Variants in RAP1GAP observed in about 807,000 individuals in gnomAD.
RAP1GAP encodes rap1 GTPase-activating protein 1.
RAP1GAP carries 35 observed loss-of-function variants against 87.2 expected under a neutral mutation model. That is an observed-to-expected ratio of 0.40 (90% confidence interval 0.31 to 0.53). The LOEUF (loss-of-function observed/expected upper bound fraction) is 0.53. Ranked by LOEUF, RAP1GAP falls within the 20% of genes least tolerant of loss-of-function variation. The pLI is 0.48. For synonymous variants in RAP1GAP, 375 were observed against 363.9 expected (o/e 1.03, Z -0.35); for missense variants, 734 against 898.9 (o/e 0.82, Z 2.35).
chr1:21,606,388 C>T (rs761104727), intron 17 of RAP1GAP, among the ~76,000 whole-genome samples, 191 bp from the exon 18 acceptor site: 2 of 152,200 alleles, frequency 1.3e-5, no homozygotes, highest in Non-Finnish European at 2.9e-5. Flanking sequence ...TTTCCCTGTG[C>T]GTCACATGAG....
chr1:21,598,329 G>A, intron 22 of RAP1GAP, 71 bp downstream of exon 22: 1 of 1,381,610 alleles, frequency 7.2e-7, no homozygotes, highest in Non-Finnish European at 1.0e-6. Context: ...CATGGGAACT[G>A]GTGCCCAGCC....
At chr1:21,597,657 C>A in intron 24 of RAP1GAP, 29 bp downstream of exon 24, 1 of 1,559,054 alleles carries the variant, frequency 6.4e-7, no homozygotes, top group Non-Finnish European at 8.8e-7. Context: ...CCTCTCCCAC[C>A]AAACACAAGC....
chr1:21,612,059 G>C lies in RAP1GAP; in HGVS notation c.579C>G (p.Phe193Leu). The change falls in exon 11 of 25, where the codon TTC (phenylalanine) becomes TTG (leucine). Residue 193 changes from phenylalanine (F) to leucine (L), a missense_variant. By Grantham distance (22) the Phe-to-Leu change is conservative. Around this residue, in one of 2 missense-constraint regions of RAP1GAP, gnomAD observed 485 missense variants for 646.2 expected, o/e 0.75. Transcript: ENST00000374765. The stretch of plus-strand genomic sequence containing the variant: ...GCTTCTGATAAATGACGCCAAACTT[G>C]AAGTTATTGCTGATGACATGCTCGT... ...TFDEHVISNN[F>L]KFGVIYQKLG... 1 of 1,554,898 alleles carries C rather than the reference G, an allele frequency of 6.4e-7. No homozygotes were observed. The highest frequency in any genetic ancestry group is 8.7e-7 in the Non-Finnish European group (1 of 1,148,546).
At position 21,612,015 on chromosome 1, in the gene RAP1GAP, G is replaced by C. The variant is rs749507344; in HGVS notation, c.612+11C>G. On this transcript the variant is annotated intron_variant, in intron 11 of 24. Coordinates refer to ENST00000374765, the MANE Select transcript of RAP1GAP (RefSeq NM_002885.4). ...AGGTGGGGAGGGGCGGCAGGGAGGA[G>C]GTGAGCACACCTGCCCAAGCTTCTG... 1.9e-6 allele frequency: 3 copies of C among 1,541,664 alleles called. No individual in the cohort carries two copies. The East Asian group carries it at 7.2e-5, about 37-fold the overall frequency.
chr1:21,605,952 G>A (rs1570535430), intron 18 of RAP1GAP, 114 bp downstream of exon 18: 6 of 1,289,536 alleles, frequency 4.7e-6, no homozygotes, highest in East Asian at 5.1e-5. Flanking sequence ...AGCCTAGGAT[G>A]GGCATGTGGG....
intron 2 of RAP1GAP, among the ~76,000 whole-genome samples, chr1:21,636,663 C>T (rs1477285553): frequency 2.0e-5 from 3 of 151,606 alleles, no homozygotes; most frequent in East Asian, 1.9e-4. Context: ...AAAAATTAGC[C>T]GGGTGTGGTA....
intron 2 of RAP1GAP, among the ~76,000 whole-genome samples, chr1:21,631,687 A>AAAAAAC (rs1382507814): frequency 1.3e-5 from 2 of 152,190 alleles, no homozygotes; most frequent in Non-Finnish European, 2.9e-5. Flanking sequence ...ACTCTGTCTC[A>AAAAAAC]AAAAACAAAA....
At chr1:21,653,594 C>CCTTCCTTCCTTCCTTCCTTCCTT (rs1558897559) in intron 1 of RAP1GAP, among the ~76,000 whole-genome samples, 3 of 81,088 alleles carry the variant, frequency 3.7e-5, no homozygotes, top group Non-Finnish European at 8.7e-5. Flanking sequence ...CTTCCTTCCT[C>CCTTCCTTCCTTCCTTCCTTCCTT]CCTCCCTCCC....
At position 21,607,337 on chromosome 1, in the gene RAP1GAP, T is replaced by C. The variant is rs1444060243; in HGVS notation, c.1296+876A>G. Among the ~76,000 whole-genome samples the C allele has an allele frequency of 4.1e-4, 62 of 152,192 alleles. 1 individual carries two copies. Among genetic ancestry groups the C allele is most frequent in the Non-Finnish European group, 1.0e-4 (7 of 68,028 alleles). Reference sequence around the variant, plus strand: ...CTTGTATTGCACTAACCTAACTCTTTTACAGATAACAATAACTGTATGAGG... The same window carrying C: ...CTTGTATTGCACTAACCTAACTCTTCTACAGATAACAATAACTGTATGAGG... On this transcript the variant is annotated intron_variant, in intron 17 of 24. Transcript: ENST00000374765.
At chr1:21,611,309 C>T (rs751174488) in intron 13 of RAP1GAP, 143 bp downstream of exon 13, 131 of 1,220,576 alleles carry the variant, frequency 1.1e-4, no homozygotes, top group African/African-American at 5.5e-4. Flanking sequence ...CCTGACCCAA[C>T]GAGACCCCAC....
intron 1 of RAP1GAP, among the ~76,000 whole-genome samples, chr1:21,652,212 A>G (rs1386421729): frequency 1.4e-5 from 2 of 141,210 alleles, no homozygotes; most frequent in Admixed American, 1.5e-4. Context: ...ATCCGTCCCC[A>G]TCATCACGAG....
At chr1:21,614,356 C>A (rs1202770964) in intron 7 of RAP1GAP, among the ~76,000 whole-genome samples, 2 of 152,196 alleles carry the variant, frequency 1.3e-5, no homozygotes, top group Admixed American at 1.3e-4. Context: ...ACTTTGGTGG[C>A]AGCCAGGACT....
chr1:21,602,432 C>CA (rs1366550907), intron 19 of RAP1GAP, among the ~76,000 whole-genome samples: 3 of 152,256 alleles, frequency 2.0e-5, no homozygotes, highest in Non-Finnish European at 4.4e-5. Flanking sequence ...ATGGACCCCC[C>CA]AGGCCCATCT....
At chr1:21,655,139 GAA>G (rs750522857) in intron 1 of RAP1GAP, among the ~76,000 whole-genome samples, 8 of 116,478 alleles carry the variant, frequency 6.9e-5, no homozygotes, top group Admixed American at 9.0e-5. Flanking sequence ...GACTCTGTCT[GAA>G]AAAAAAAAAA....
At chr1:21,620,852 A>ACT (rs35090439) in intron 3 of RAP1GAP, among the ~76,000 whole-genome samples, 5,419 of 149,824 alleles carry the variant, frequency 0.036, 138 homozygotes, top group Non-Finnish European at 0.054. Context: ...AAGCACGCAC[A>ACT]CTCTCTCTCT....
chr1:21,619,571 G>GCAGAC (rs2085244546), intron 4 of RAP1GAP, among the ~76,000 whole-genome samples: 1 of 152,062 alleles, frequency 6.6e-6, no homozygotes, highest in Non-Finnish European at 1.5e-5. Context: ...TATGTGAAAC[G>GCAGAC]CAGACGGGGC....
chr1:21,603,723 C>A lies in RAP1GAP; in HGVS notation c.1429-810G>T, dbSNP rs529650893. 2.2e-5 allele frequency: 26 copies of A among 1,189,202 alleles called. No individual in the cohort carries two copies. The South Asian group carries it at 2.4e-4, about 11-fold the overall frequency. 73.7% of individuals were successfully genotyped at this position (1,189,202 alleles called of 1,614,324 possible). A position where few individuals can be genotyped will look rare whatever the true frequency, so the allele number is the denominator to read the frequency against. The stretch of plus-strand genomic sequence containing the variant: ...CCACTCCATCCCGCACGCCCTGGGG[C>A]CTGTCCCGGGGGCAGAGGGGCAACG... On this transcript the variant is annotated intron_variant, in intron 18 of 24. Coordinates refer to ENST00000374765, the MANE Select transcript of RAP1GAP (RefSeq NM_002885.4). This position sits in a 1 kb window ranked among gnomAD's most constrained non-coding sequence, Gnocchi z 6.0.
chr1:21,660,654 G>C (rs555343961), intron 1 of RAP1GAP, among the ~76,000 whole-genome samples: 3 of 152,118 alleles, frequency 2.0e-5, no homozygotes, highest in South Asian at 4.1e-4. Context: ...CTTGAGCTGT[G>C]ACCGTCAGCC....
At chr1:21,653,587 CCTT>C (rs1170755904) in intron 1 of RAP1GAP, among the ~76,000 whole-genome samples, 64 of 99,030 alleles carry the variant, frequency 6.5e-4, no homozygotes, top group African/African-American at 1.8e-3. Flanking sequence ...TTCCTTCCTT[CCTT>C]CCTCCCTCCC....
Sources: gnomAD v4.1 joint callset for allele counts (sites outside exome capture counted in the v4.1 genomes callset) on GRCh38, gnomAD v4.1.1 for gene constraint, gnomAD v4.1.1 regional missense constraint, Gnocchi (gnomAD v3.1) non-coding constraint, MANE v1.5 for transcripts, NCBI Gene and HGNC (gene_info 2026-07-23, HGNC 2026-07-21) for gene names.